DPH6: variants seen among roughly 807,000 people sequenced by gnomAD.
DPH6 encodes the protein diphthine--ammonia ligase.
DPH6 carries 33 observed loss-of-function variants against 38.2 expected under a neutral mutation model. That is an observed-to-expected ratio of 0.86 (90% CI 0.65 to 1.15). The LOEUF (loss-of-function observed/expected upper bound fraction) is 1.15, where lower values mean the gene tolerates loss of function less well. Ranked by LOEUF, DPH6 falls within the 50% of genes most tolerant of loss-of-function variation. The probability of loss-of-function intolerance (pLI) is 0.00; values close to 1 mark genes in which losing one functional copy is unlikely to be tolerated. For synonymous variants in DPH6, 108 were observed against 103.0 expected (o/e 1.05, Z -0.30); for missense variants, 325 against 320.0 (o/e 1.02, Z -0.12).
At chr15:35,544,501 TA>T (rs912392714) in intron 1 of DPH6, among the ~76,000 whole-genome samples, 68 of 149,052 alleles carry the variant, frequency 4.6e-4, no homozygotes, top group South Asian at 1.3e-3. Context: ...TAAAGTATAA[TA>T]AAAAAAAAAT....
At chr15:35,318,186 T>C (rs1229813748) in intron 3 of DPH6, among the ~76,000 whole-genome samples, 3 of 151,732 alleles carry the variant, frequency 2.0e-5, no homozygotes, top group Non-Finnish European at 4.4e-5. Context: ...AGGTTAGAAA[T>C]AAAAAAGGTG....
chr15:35,351,065 A>T (rs1416482631), intron 3 of DPH6, among the ~76,000 whole-genome samples: 2 of 152,154 alleles, frequency 1.3e-5, no homozygotes, highest in Non-Finnish European at 2.9e-5. Context: ...TTATCCCTGC[A>T]ATTCTTTCAA....
At chr15:35,193,667 A>G in the DPH6 span, among the ~76,000 whole-genome samples, 1 of 152,234 alleles carries the variant, frequency 6.6e-6, no homozygotes, top group African/African-American at 2.4e-5. Context: ...TACTACAAAC[A>G]GTCTTGGTTC....
At chr15:35,519,279 C>CAT (rs2054888968) in intron 3 of DPH6, 3 of 151,834 alleles carry the variant, frequency 2.0e-5, no homozygotes, top group South Asian at 2.1e-4. Context: ...TCATGTATAA[C>CAT]GACTGGGTTT....
chr15:35,154,785 C>A, the DPH6 span, among the ~76,000 whole-genome samples: 1 of 152,126 alleles, frequency 6.6e-6, no homozygotes, highest in African/African-American at 2.4e-5. Context: ...TTAACACTAT[C>A]AAACCTCTGA....
intron 3 of DPH6, among the ~76,000 whole-genome samples, chr15:35,533,108 G>A (rs202141946): frequency 5.5e-5 from 8 of 144,276 alleles, no homozygotes; most frequent in Admixed American, 2.1e-4. Flanking sequence ...ACTCAGTCTC[G>A]AAAAAAAAAA....
intron 3 of DPH6, among the ~76,000 whole-genome samples, chr15:35,480,047 TA>T (rs1054282629): frequency 1.3e-5 from 2 of 152,144 alleles, no homozygotes; most frequent in Admixed American, 6.6e-5. Flanking sequence ...ATGCTTTGTT[TA>T]AAAAAGTACT....
chr15:35,446,588 G>GTAA (rs1245020047), intron 5 of DPH6, among the ~76,000 whole-genome samples: 5 of 152,104 alleles, frequency 3.3e-5, no homozygotes, highest in Non-Finnish European at 7.4e-5. Context: ...AATATAGTAT[G>GTAA]TAATACATAC....
At chr15:35,450,652 A>G in intron 5 of DPH6, 33 bp downstream of exon 5, 1 of 1,554,228 alleles carries the variant, frequency 6.4e-7, no homozygotes, top group Non-Finnish European at 8.9e-7. Context: ...CTATGTGGCA[A>G]CAAACAGCTC....
intron 7 of DPH6, 84 bp downstream of exon 7, chr15:35,381,737 CA>C: frequency 9.4e-7 from 1 of 1,067,076 alleles, no homozygotes; most frequent in East Asian, 2.4e-5. Flanking sequence ...TTTTTCCCAA[CA>C]AAAGTTGCCT....
downstream of DPH6, among the ~76,000 whole-genome samples, chr15:35,214,164 T>C (rs1408600959): frequency 6.6e-6 from 1 of 152,092 alleles, no homozygotes; most frequent in Admixed American, 6.5e-5. Flanking sequence ...TTCTAATTCT[T>C]CTGGGTGTCC....
At chr15:35,375,533 G>A (rs2052768522) in intron 7 of DPH6, among the ~76,000 whole-genome samples, 1 of 152,104 alleles carries the variant, frequency 6.6e-6, no homozygotes, top group Non-Finnish European at 1.5e-5. Context: ...AGCAGAATCT[G>A]TCAGAATATC....
chr15:35,538,195 G>T, intron 3 of DPH6, 79 bp downstream of exon 3: 1 of 1,252,146 alleles, frequency 8.0e-7, no homozygotes, highest in Non-Finnish European at 1.0e-6. Context: ...GCAAATTACG[G>T]ATTACTAAAT....
intron 7 of DPH6, among the ~76,000 whole-genome samples, chr15:35,381,602 C>T (rs2052866282): frequency 6.6e-6 from 1 of 152,156 alleles, no homozygotes; most frequent in South Asian, 2.1e-4. Context: ...AACGAAAGTG[C>T]AATGTCTAAA....
rs1277952554 is a variant in DPH6 at position 35,450,809 on chromosome 15, A to G, written c.387-6T>C. 2.5e-6 allele frequency: 4 copies of G among 1,569,836 alleles called. No individual in the cohort carries two copies. In the Admixed American group the frequency reaches 7.3e-5, roughly 29 times the overall value. On this transcript the variant is annotated splice_polypyrimidine_tract_variant and splice_region_variant and intron_variant, in intron 4 of 8. Transcript: ENST00000256538. Reference sequence around the variant, plus strand: ...GGAGATTAAGCCTTTTACACCTACAAAAGAAAAAGAAAAAGAAAGTCAGAT... The same window carrying G: ...GGAGATTAAGCCTTTTACACCTACAGAAGAAAAAGAAAAAGAAAGTCAGAT...
At chr15:35,177,774 C>T in the DPH6 span, among the ~76,000 whole-genome samples, 2 of 151,710 alleles carry the variant, frequency 1.3e-5, no homozygotes, top group Non-Finnish European at 2.9e-5. Flanking sequence ...ACCCCCATCT[C>T]TACTAAAAAT....
chr15:35,387,622 C>T (rs1230080382), intron 6 of DPH6, among the ~76,000 whole-genome samples: 2 of 152,104 alleles, frequency 1.3e-5, no homozygotes, highest in Non-Finnish European at 2.9e-5. Flanking sequence ...TGGCAGTTCA[C>T]TCATGATTTG....
intron 5 of DPH6, among the ~76,000 whole-genome samples, chr15:35,444,934 A>G (rs1038738340): frequency 1.3e-5 from 2 of 152,242 alleles, no homozygotes; most frequent in African/African-American, 4.8e-5. Context: ...GACAATACTC[A>G]TCAAGCAACA....
intron 3 of DPH6, among the ~76,000 whole-genome samples, chr15:35,484,660 GA>G (rs1366791869): frequency 6.6e-6 from 1 of 152,128 alleles, no homozygotes; most frequent in East Asian, 1.9e-4. Flanking sequence ...ACAAGACAAA[GA>G]AACACTTTTT....
Sources: allele counts gnomAD v4.1 joint callset (sites outside exome capture counted in the v4.1 genomes callset), GRCh38; gene constraint gnomAD v4.1.1; transcripts MANE v1.5; gene names NCBI Gene and HGNC (gene_info 2026-07-23, HGNC 2026-07-21).